SLC2A9: variants seen among roughly 807,000 people sequenced by gnomAD.
SLC2A9 encodes the protein solute carrier family 2, facilitated glucose transporter member 9.
Under a neutral mutation model 50.6 loss-of-function variants are expected in SLC2A9, and 39 were observed. The observed-to-expected ratio is 0.77, with a 90% confidence interval of 0.60 to 1.01. The LOEUF is 1.01. Among genes scored for constraint, SLC2A9 ranks in the 50% least tolerant of loss-of-function variants. The pLI, the probability that SLC2A9 is intolerant of heterozygous loss-of-function variation, is 0.00. For missense variants in SLC2A9, 686 were observed against 677.6 expected (o/e 1.01, Z -0.14); for synonymous variants, 324 against 276.9 (o/e 1.17, Z -1.69).
chr4:10,001,632 C>A (rs1759827947), intron 2 of SLC2A9, among the ~76,000 whole-genome samples: 1 of 152,092 alleles, frequency 6.6e-6, no homozygotes. Flanking sequence ...TCCAAACTGC[C>A]ATCCCCTCAC....
At chr4:9,983,014 A>G (rs1242012010) in intron 4 of SLC2A9, among the ~76,000 whole-genome samples, 1 of 152,092 alleles carries the variant, frequency 6.6e-6, no homozygotes, top group Non-Finnish European at 1.5e-5. Flanking sequence ...GATTACAGGT[A>G]TATGCCACCA....
chr4:9,893,968 A>T (rs1463677113), intron 8 of SLC2A9, among the ~76,000 whole-genome samples: 1 of 152,196 alleles, frequency 6.6e-6, no homozygotes, highest in Non-Finnish European at 1.5e-5. Context: ...TGATTATGGG[A>T]TTTACCAAAA....
intron 6 of SLC2A9, among the ~76,000 whole-genome samples, chr4:9,924,500 G>A (rs1425103627): frequency 6.6e-6 from 1 of 152,182 alleles, no homozygotes; most frequent in East Asian, 1.9e-4. Flanking sequence ...GCCCACAGCT[G>A]ACACCTGCTC....
rs76608608 is a variant in SLC2A9, at chr4:9,910,155, A to C, written c.1003-1810T>G. Among the ~76,000 whole-genome samples the C allele has an allele frequency of 8.2e-3, 1,251 of 152,350 alleles. 16 individuals carry two copies. The highest frequency in any genetic ancestry group is 0.029 in the African/African-American group (1,208 of 41,580). ...CGAGCTTGCAGGCATGGATACATCC[A>C]TCTATTGGCAAAAACAGGTTTTAAT... On this transcript the variant is annotated intron_variant, in intron 7 of 11. Transcript: ENST00000264784.
upstream of SLC2A9, among the ~76,000 whole-genome samples, chr4:10,023,774 C>T (rs13148476): frequency 0.1 from 15,776 of 152,162 alleles, 1,428 homozygotes; most frequent in East Asian, 0.46. Context: ...TCGTTTAGTC[C>T]TCAGAGGAAC....
intron 5 of SLC2A9, among the ~76,000 whole-genome samples, chr4:9,962,050 T>C (rs1299031970): frequency 6.6e-6 from 1 of 152,168 alleles, no homozygotes; most frequent in Non-Finnish European, 1.5e-5. Flanking sequence ...TGGAGATTAT[T>C]AAAAAGTCAA....
At position 9,965,252 on chromosome 4, in the gene SLC2A9, G is replaced by A. The variant is rs138327996; in HGVS notation, c.681+15340C>T. Among the ~76,000 whole-genome samples the A allele has an allele frequency of 2.9e-3, 442 of 152,316 alleles. 1 individual carries two copies. Among genetic ancestry groups the A allele is most frequent in the Admixed American group, 4.3e-3 (65 of 15,292 alleles). On this transcript the variant is annotated intron_variant, in intron 5 of 11. Transcript: ENST00000264784. ...AGCTGTGATGCAGATCCAGGCAGTCGGGCACGAGGGCCCAGGTGCCCACTA... is the reference window on the plus strand; with the variant it reads ...AGCTGTGATGCAGATCCAGGCAGTCAGGCACGAGGGCCCAGGTGCCCACTA...
intron 5 of SLC2A9, among the ~76,000 whole-genome samples, chr4:9,948,276 C>T (rs893294178): frequency 6.6e-6 from 1 of 152,192 alleles, no homozygotes; most frequent in African/African-American, 2.4e-5. Flanking sequence ...ATTGGAATCA[C>T]TTGGAGAGTT....
At chr4:9,973,056 A>C (rs1754172122) in intron 5 of SLC2A9, among the ~76,000 whole-genome samples, 1 of 152,212 alleles carries the variant, frequency 6.6e-6, no homozygotes, top group Admixed American at 6.5e-5. Flanking sequence ...CACTAGCTAG[A>C]TTAAAAAAGA....
At chr4:9,886,069 T>G (rs1736147810) in intron 10 of SLC2A9, among the ~76,000 whole-genome samples, 1 of 152,136 alleles carries the variant, frequency 6.6e-6, no homozygotes, top group Non-Finnish European at 1.5e-5. Flanking sequence ...AGTAAATGTG[T>G]GTGTGCTGGT....
intron 3 of SLC2A9, among the ~76,000 whole-genome samples, chr4:9,992,570 T>C (rs966421486): frequency 6.6e-6 from 1 of 152,200 alleles, no homozygotes; most frequent in Non-Finnish European, 1.5e-5. Context: ...GATTCATGCC[T>C]GGGACTTTAA....
At chr4:10,013,488 G>C (rs1762109096) in intron 2 of SLC2A9, among the ~76,000 whole-genome samples, 1 of 152,226 alleles carries the variant, frequency 6.6e-6, no homozygotes. Flanking sequence ...CTGAAACTTG[G>C]ATGTATTGGG....
chr4:9,879,382 ATGTG>A (rs3834811), intron 10 of SLC2A9: 30 of 918,528 alleles, frequency 3.3e-5, no homozygotes, highest in Middle Eastern at 5.6e-4. Flanking sequence ...TTATGTGTGT[ATGTG>A]TGTGTGTGTG....
chr4:9,792,158 T>A (rs34184182), intron 3 of SLC2A9, among the ~76,000 whole-genome samples: 1 of 139,324 alleles, frequency 7.2e-6, no homozygotes, highest in African/African-American at 2.6e-5. Flanking sequence ...TTCTATTCTA[T>A]GTTTCTTTTT....
rs374679729 is a variant in SLC2A9, at chr4:10,019,026, G to C, written c.198C>G (p.Gly66=). The change falls in exon 2 of 12, where the codon GGC becomes GGG. Residue 66 remains glycine (G), a synonymous_variant. Transcript: ENST00000264784. The part of the protein sequence containing the change: ...LLVASLAGAF[G]SSFLYGYNLS... The stretch of plus-strand genomic sequence containing the variant: ...GGTTGTAGCCGTAGAGGAAGGAGGA[G>C]CCGAAGGCGCCCGCGAGGGAGGCCA... The C allele has an allele frequency of 1.5e-4, 231 of 1,550,804 alleles. No individual in the cohort carries two copies. Among genetic ancestry groups the C allele is most frequent in the Non-Finnish European group, 1.8e-4 (211 of 1,146,976 alleles).
At chr4:9,832,378 G>A (rs1012238979) in intron 11 of SLC2A9, among the ~76,000 whole-genome samples, 4 of 152,276 alleles carry the variant, frequency 2.6e-5, no homozygotes, top group South Asian at 2.1e-4. Context: ...GAAATTAACC[G>A]TGGGTGCCTT....
intron 10 of SLC2A9, among the ~76,000 whole-genome samples, chr4:9,873,342 T>A (rs556101644): frequency 2.6e-5 from 4 of 152,302 alleles, no homozygotes; most frequent in African/African-American, 9.6e-5. Context: ...ATAATTCTCA[T>A]CTCTTGCCTA....
intron 8 of SLC2A9, among the ~76,000 whole-genome samples, chr4:9,901,788 C>T (rs921334471): frequency 6.6e-6 from 1 of 152,254 alleles, no homozygotes; most frequent in African/African-American, 2.4e-5. Context: ...TAGAGGGAGA[C>T]CCATTGGCTC....
intron 11 of SLC2A9, among the ~76,000 whole-genome samples, chr4:9,834,161 C>T (rs184109007): frequency 1.0e-3 from 156 of 152,322 alleles, no homozygotes; most frequent in African/African-American, 3.6e-3. Flanking sequence ...CCTCACTTCA[C>T]TCAGGCCTCT....
Sources: allele counts gnomAD v4.1 joint callset (sites outside exome capture counted in the v4.1 genomes callset), GRCh38; gene constraint gnomAD v4.1.1; transcripts MANE v1.5; gene names NCBI Gene and HGNC (gene_info 2026-07-23, HGNC 2026-07-21).